MDGA2: variants seen among roughly 807,000 people sequenced by gnomAD.
MDGA2 encodes MAM domain containing glycosylphosphatidylinositol anchor 2.
In MDGA2, 40 loss-of-function variants were observed where a neutral mutation model predicts 117.8. That is an observed-to-expected ratio of 0.34 (90% CI 0.26 to 0.44). The LOEUF is 0.44. MDGA2 is among the 20% of genes least tolerant of loss of function. The probability of loss-of-function intolerance (pLI) is 1.00; values close to 1 mark genes in which losing one functional copy is unlikely to be tolerated. For synonymous variants in MDGA2, 452 were observed against 439.0 expected, an observed-to-expected ratio of 1.03 and a Z score of -0.37; for missense variants, 1,123 against 1,250.6, an observed-to-expected ratio of 0.90 and a Z score of 1.54.
intron 1 of MDGA2, among the ~76,000 whole-genome samples, chr14:47,342,347 A>G (rs1213457043): frequency 6.7e-6 from 1 of 149,746 alleles, no homozygotes; most frequent in Non-Finnish European, 1.5e-5. Context: ...ATATGTGTGT[A>G]TATATATCTT....
chr14:47,060,059 C>T (rs72678458), intron 7 of MDGA2, among the ~76,000 whole-genome samples: 17 of 152,118 alleles, frequency 1.1e-4, no homozygotes, highest in Non-Finnish European at 2.4e-4. Context: ...CATCTCTTAG[C>T]GCTAGCACCA....
intron 1 of MDGA2, among the ~76,000 whole-genome samples, chr14:47,375,086 T>A (rs1429427874): frequency 1.3e-5 from 2 of 152,024 alleles, no homozygotes; most frequent in African/African-American, 4.8e-5. Context: ...CCTGTTTTTT[T>A]TAATTTTTTT....
intron 8 of MDGA2, among the ~76,000 whole-genome samples, chr14:47,033,028 A>G (rs1888717684): frequency 6.6e-6 from 1 of 152,196 alleles, no homozygotes; most frequent in East Asian, 1.9e-4. Flanking sequence ...CTACATTAAA[A>G]TAACTAAACT....
At chr14:47,118,752 A>C (rs1052371969) in intron 5 of MDGA2, among the ~76,000 whole-genome samples, 15 of 152,136 alleles carry the variant, frequency 9.9e-5, no homozygotes, top group African/African-American at 3.1e-4. Context: ...TCAACAACAA[A>C]AAAAGGTCTC....
chr14:47,200,476 C>T, intron 3 of MDGA2: 1 of 506,544 alleles, frequency 2.0e-6, no homozygotes. Flanking sequence ...TTTTTAATTA[C>T]TCATATATGC....
Position 47,035,088 on chromosome 14 carries a change from A to G in MDGA2, c.1742T>C (p.Met581Thr). 1.2e-6 allele frequency: 2 copies of G among 1,614,144 alleles called. No individual in the cohort carries two copies. The highest frequency in any genetic ancestry group is 1.7e-6 in the Non-Finnish European group (2 of 1,180,002). ...GTATTGGCTGGTCTGACATCTGTACATTCCTGACATTTCCCTAGATACATT... is the reference window on the plus strand; with the variant it reads ...GTATTGGCTGGTCTGACATCTGTACGTTCCTGACATTTCCCTAGATACATT... ...IVNVSREMSGMYRCQTSQYNG... is the reference protein window; with the variant it reads ...IVNVSREMSGTYRCQTSQYNG... The change falls in exon 8 of 17, where the codon ATG becomes ACG. Residue 581 changes from methionine (M) to threonine (T), a missense_variant. Coordinates refer to ENST00000399232, the MANE Select transcript of MDGA2 (RefSeq NM_001113498.3).
intron 8 of MDGA2, among the ~76,000 whole-genome samples, chr14:46,994,015 C>T (rs1217628366): frequency 6.6e-6 from 1 of 152,060 alleles, no homozygotes; most frequent in Non-Finnish European, 1.5e-5. Context: ...AGGGAGGAGG[C>T]TTTGGGTCAG....
At chr14:47,324,109 G>A (rs2139886807) in intron 1 of MDGA2, among the ~76,000 whole-genome samples, 1 of 152,196 alleles carries the variant, frequency 6.6e-6, no homozygotes, top group South Asian at 2.1e-4. Flanking sequence ...GCCAGGCGTG[G>A]TGGCAGGCAC....
intron 10 of MDGA2, among the ~76,000 whole-genome samples, chr14:46,889,623 A>G (rs781225135): frequency 7.9e-5 from 12 of 151,968 alleles, no homozygotes; most frequent in Non-Finnish European, 1.3e-4. Flanking sequence ...TTCAGTCTGC[A>G]TTTTTCTTAA....
At chr14:47,270,336 G>A (rs1888105141) in intron 2 of MDGA2, among the ~76,000 whole-genome samples, 1 of 152,108 alleles carries the variant, frequency 6.6e-6, no homozygotes, top group African/African-American at 2.4e-5. Flanking sequence ...GGATCAAGCG[G>A]TTCCATAAAC....
chr14:47,529,807 T>C (rs1895056520), intron 1 of MDGA2, among the ~76,000 whole-genome samples: 1 of 152,206 alleles, frequency 6.6e-6, no homozygotes, highest in African/African-American at 2.4e-5. Flanking sequence ...AGTTAGAAAC[T>C]TTCCTGAAGA....
chr14:46,928,110 A>C (rs866632536), intron 9 of MDGA2, among the ~76,000 whole-genome samples: 5 of 152,252 alleles, frequency 3.3e-5, no homozygotes, highest in Middle Eastern at 3.4e-3. Context: ...AATCTGCTGA[A>C]AAAATAAATG....
At chr14:47,347,111 G>C (rs1482887264) in intron 1 of MDGA2, among the ~76,000 whole-genome samples, 2 of 152,200 alleles carry the variant, frequency 1.3e-5, no homozygotes, top group Admixed American at 1.3e-4. Context: ...TCAGACGTAA[G>C]TAGGGGACCA....
intron 8 of MDGA2, among the ~76,000 whole-genome samples, chr14:46,982,998 TGA>T (rs1329346438): frequency 6.6e-6 from 1 of 151,904 alleles, no homozygotes; most frequent in Non-Finnish European, 1.5e-5. Flanking sequence ...CCTAATTTAT[TGA>T]GAGTTTTTAG....
intron 9 of MDGA2, among the ~76,000 whole-genome samples, chr14:46,941,427 A>G (rs533611522): frequency 8.5e-5 from 13 of 152,186 alleles, no homozygotes; most frequent in Non-Finnish European, 1.9e-4. Context: ...GCTGTGGGCT[A>G]TCATCTGTGG....
chr14:46,920,887 CAATT>C (rs1427591062), intron 9 of MDGA2, among the ~76,000 whole-genome samples: 2 of 152,062 alleles, frequency 1.3e-5, no homozygotes, highest in African/African-American at 2.4e-5. Flanking sequence ...AAACTTAAAA[CAATT>C]AATTAATAAA....
chr14:47,187,424 G>A (rs1192300186), intron 3 of MDGA2, among the ~76,000 whole-genome samples: 1 of 151,972 alleles, frequency 6.6e-6, no homozygotes, highest in Non-Finnish European at 1.5e-5. Context: ...CAGGAAAGGT[G>A]ACTTACATGC....
chr14:47,537,574 TAAAAAAAAAAAAAAAAAAAAAA>T (rs58060138), intron 1 of MDGA2, among the ~76,000 whole-genome samples: 3 of 36,610 alleles, frequency 8.2e-5, no homozygotes, highest in South Asian at 1.4e-3. Flanking sequence ...TTCTCTCTGT[TAAAAAAAAAAAAAAAAAAAAAA>T]AAAAAAAAAA....
chr14:47,540,552 ATG>A (rs199680965), intron 1 of MDGA2, among the ~76,000 whole-genome samples: 3,479 of 75,352 alleles, frequency 0.046, 234 homozygotes, highest in African/African-American at 0.11. Context: ...ATATATATAT[ATG>A]TATATATATA....
Sources: allele counts gnomAD v4.1 joint callset (sites outside exome capture counted in the v4.1 genomes callset), GRCh38; gene constraint gnomAD v4.1.1; transcripts MANE v1.5; gene names NCBI Gene and HGNC (gene_info 2026-07-23, HGNC 2026-07-21).